CELF2: variants seen among roughly 807,000 people sequenced by gnomAD.
The protein encoded by CELF2 is CUGBP Elav-like family member 2.
CELF2 carries 8 observed loss-of-function variants against 62.6 expected under a neutral mutation model. The observed-to-expected ratio is 0.13, with a 90% CI of 0.07 to 0.23. The LOEUF is 0.23. Ranked by LOEUF, CELF2 falls within the 10% of genes least tolerant of loss-of-function variation. CELF2 has a pLI of 1.00. For missense variants in CELF2, 333 were observed against 671.0 expected (o/e 0.50, Z 5.56); for synonymous variants, 258 against 250.0 (o/e 1.03, Z -0.30).
intron 9 of CELF2, among the ~76,000 whole-genome samples, chr10:11,299,847 G>A (rs1469761564): frequency 1.3e-5 from 2 of 151,668 alleles, no homozygotes; most frequent in Non-Finnish European, 2.9e-5. Context: ...CGGGCCATCT[G>A]TAAAAACAAA....
chr10:10,975,182 A>G (rs1232021121), intron 2 of CELF2, among the ~76,000 whole-genome samples: 1 of 152,148 alleles, frequency 6.6e-6, no homozygotes, highest in Admixed American at 6.5e-5. Context: ...CAATGGTGCA[A>G]TCATGGCGTA....
chr10:10,855,716 G>C (rs1426436681), intron 1 of CELF2, among the ~76,000 whole-genome samples: 2 of 152,146 alleles, frequency 1.3e-5, no homozygotes, highest in Non-Finnish European at 2.9e-5. Context: ...GTGTGCTATG[G>C]AATACGAGGA....
At chr10:11,293,444 T>C (rs148473869) in intron 9 of CELF2, among the ~76,000 whole-genome samples, 1 of 152,362 alleles carries the variant, frequency 6.6e-6, no homozygotes, top group Non-Finnish European at 1.5e-5. Context: ...TTAGGATTGA[T>C]CACTTCCACA....
intron 11 of CELF2, among the ~76,000 whole-genome samples, chr10:11,322,202 C>T (rs1195903132): frequency 2.0e-5 from 3 of 152,186 alleles, no homozygotes; most frequent in Non-Finnish European, 2.9e-5. Context: ...GAGTGTGTGG[C>T]CGGCTCTCAG....
intron 1 of CELF2, among the ~76,000 whole-genome samples, chr10:10,802,728 T>C (rs914438215): frequency 6.6e-6 from 1 of 152,182 alleles, no homozygotes; most frequent in African/African-American, 2.4e-5. Context: ...AAGGAAGTCA[T>C]AGAACTCATT....
the CELF2 span, among the ~76,000 whole-genome samples, chr10:10,479,236 T>G: frequency 6.6e-6 from 1 of 152,146 alleles, no homozygotes; most frequent in East Asian, 1.9e-4. Context: ...TGGCACAATC[T>G]CAGGTCACTG....
At chr10:10,480,268 A>G in the CELF2 span, among the ~76,000 whole-genome samples, 1 of 152,204 alleles carries the variant, frequency 6.6e-6, no homozygotes, top group Admixed American at 6.5e-5. Context: ...GTCATGTCTG[A>G]AGGACCTATG....
chr10:10,916,745 T>C (rs1455052546), intron 1 of CELF2, among the ~76,000 whole-genome samples: 1 of 152,100 alleles, frequency 6.6e-6, no homozygotes, highest in African/African-American at 2.4e-5. Flanking sequence ...CCCGAGTAGC[T>C]GGGATTACAG....
At position 10,970,598 on chromosome 10, in the gene CELF2, C is replaced by G. The variant is rs188024516; in HGVS notation, c.89+50599C>G. 141 of 152,280 alleles carry G rather than the reference C, an allele frequency of 9.3e-4. 1 individual carries two copies. The highest frequency in any genetic ancestry group is 3.2e-3 in the African/African-American group (134 of 41,550). The allele number at this position is 152,280 out of a possible 1,614,324, so 9.4% of individuals were successfully genotyped here. ...TGCAAAACCTTTAAAATAATTGTTT[C>G]TAAAATATTACCCAAAGCACTGATT... On this transcript the variant is annotated intron_variant, in intron 2 of 13. Coordinates refer to the CELF2 transcript ENST00000636488.
chr10:11,335,475 T>C lies in CELF2; in HGVS notation c.*6422T>C, dbSNP rs912271219. 6.6e-6 allele frequency: 1 copy of C among 152,178 alleles called. No homozygotes were observed. Among genetic ancestry groups the C allele is most frequent in the African/African-American group, 2.4e-5 (1 of 41,422 alleles). The allele number at this position is 152,178 out of a possible 1,614,324, so 9.4% of individuals were successfully genotyped here. ...AGCCCCTCTGGCCCGAGATTGTATTTTCTAGTCTGCTCAAGAACAGAGGGG... is the reference window on the plus strand; with the variant it reads ...AGCCCCTCTGGCCCGAGATTGTATTCTCTAGTCTGCTCAAGAACAGAGGGG... On this transcript the variant is annotated 3_prime_UTR_variant, in exon 13 of 13. Coordinates refer to ENST00000633077, the MANE Select transcript of CELF2 (RefSeq NM_001326342.2). This position sits in a 1 kb window ranked among gnomAD's most constrained non-coding sequence, Gnocchi z 5.0.
chr10:11,118,251 G>A (rs1161210422), intron 1 of CELF2, among the ~76,000 whole-genome samples: 14 of 151,950 alleles, frequency 9.2e-5, no homozygotes, highest in Non-Finnish European at 4.4e-5. Context: ...CCTGGTTCTC[G>A]GTAGTCTGAA....
At chr10:11,274,997 T>C in intron 7 of CELF2, 60 bp from the exon 8 acceptor site, 1 of 1,496,534 alleles carries the variant, frequency 6.7e-7, no homozygotes, top group South Asian at 1.1e-5. Flanking sequence ...GTCCCCAGTT[T>C]AATGAGGGAG....
chr10:10,600,889 A>T, the CELF2 span, among the ~76,000 whole-genome samples: 1 of 152,236 alleles, frequency 6.6e-6, no homozygotes, highest in African/African-American at 2.4e-5. Flanking sequence ...CCCATTTTAC[A>T]GATGAGCAAA....
chr10:11,261,170 T>C (rs1295028494), intron 5 of CELF2, among the ~76,000 whole-genome samples: 1 of 152,232 alleles, frequency 6.6e-6, no homozygotes, highest in African/African-American at 2.4e-5. Context: ...CTTTTCTTTT[T>C]CTGCTTTTGC....
the CELF2 span, among the ~76,000 whole-genome samples, chr10:10,590,171 A>G: frequency 6.6e-6 from 1 of 152,222 alleles, no homozygotes; most frequent in African/African-American, 2.4e-5. Context: ...GCACACACAC[A>G]CACACACAGG....
chr10:10,720,299 G>A, the CELF2 span, among the ~76,000 whole-genome samples: 15 of 152,334 alleles, frequency 9.8e-5, no homozygotes, highest in South Asian at 1.2e-3. Flanking sequence ...GACTGCTGTC[G>A]TCTTCAATAG....
chr10:10,535,055 C>T, the CELF2 span, among the ~76,000 whole-genome samples: 1 of 152,176 alleles, frequency 6.6e-6, no homozygotes, highest in Non-Finnish European at 1.5e-5. Flanking sequence ...TCTTAGTTTA[C>T]CTCCTGTTTT....
intron 5 of CELF2, among the ~76,000 whole-genome samples, chr10:11,263,418 C>T (rs560547900): frequency 6.6e-6 from 1 of 152,116 alleles, no homozygotes; most frequent in Admixed American, 6.5e-5. Context: ...AGAAGTATGG[C>T]TTCATTATTT....
chr10:11,197,025 A>AAAGAAAG (rs1554936315), intron 2 of CELF2, among the ~76,000 whole-genome samples: 609 of 26,118 alleles, frequency 0.023, 193 homozygotes, highest in Non-Finnish European at 0.035. Flanking sequence ...AGAAAGAAAG[A>AAAGAAAG]AAAGAAAGAA....
Sources: gnomAD v4.1 joint callset for allele counts (sites outside exome capture counted in the v4.1 genomes callset) on GRCh38, gnomAD v4.1.1 for gene constraint, Gnocchi (gnomAD v3.1) non-coding constraint, MANE v1.5 for transcripts, NCBI Gene and HGNC (gene_info 2026-07-23, HGNC 2026-07-21) for gene names.